Variants in CDH13 observed in about 807,000 individuals in gnomAD.
The protein encoded by CDH13 is cadherin-13.
In CDH13, 24 loss-of-function variants were observed where a neutral mutation model predicts 63.8. The observed-to-expected ratio is 0.38, with a 90% CI of 0.27 to 0.53. The LOEUF is 0.53. CDH13 is among the 20% of genes least tolerant of loss of function. The pLI is 0.85. For synonymous variants in CDH13, 503 were observed against 355.3 expected (o/e 1.42, Z -4.67); for missense variants, 1,049 against 903.1 (o/e 1.16, Z -2.07).
chr16:82,901,061 A>G (rs1042586913), intron 2 of CDH13, among the ~76,000 whole-genome samples: 1 of 137,896 alleles, frequency 7.3e-6, no homozygotes, highest in Non-Finnish European at 1.5e-5. Context: ...ACATGAGCCA[A>G]AATGTATATT....
intron 1 of CDH13, among the ~76,000 whole-genome samples, chr16:82,640,550 A>T (rs902018782): frequency 6.6e-6 from 1 of 152,144 alleles, no homozygotes; most frequent in Admixed American, 6.5e-5. Flanking sequence ...CAGGGTAATA[A>T]AATGTTATTT....
chr16:83,102,965 T>TTC (rs1555587871), intron 3 of CDH13, among the ~76,000 whole-genome samples: 11 of 107,838 alleles, frequency 1.0e-4, no homozygotes, highest in African/African-American at 1.4e-4. Context: ...TTTTTTTTTT[T>TTC]TTTTTGAGGT....
intron 9 of CDH13, among the ~76,000 whole-genome samples, chr16:83,675,058 A>T (rs1286173962): frequency 6.6e-6 from 1 of 152,076 alleles, no homozygotes; most frequent in Admixed American, 6.5e-5. Context: ...AGTGGTTTAC[A>T]CCCTCTCTTG....
intron 10 of CDH13, among the ~76,000 whole-genome samples, chr16:83,707,215 C>T (rs1907209061): frequency 6.6e-6 from 1 of 152,202 alleles, no homozygotes; most frequent in Non-Finnish European, 1.5e-5. Flanking sequence ...CCTGCCTCCA[C>T]CCATCACAAT....
At chr16:83,108,640 A>G (rs1445862869) in intron 3 of CDH13, among the ~76,000 whole-genome samples, 1 of 152,166 alleles carries the variant, frequency 6.6e-6, no homozygotes, top group Non-Finnish European at 1.5e-5. Flanking sequence ...TTCATCCAGG[A>G]CCAGCAGTCC....
intron 6 of CDH13, among the ~76,000 whole-genome samples, chr16:83,385,667 A>G (rs929040559): frequency 3.9e-5 from 6 of 152,124 alleles, no homozygotes; most frequent in Non-Finnish European, 8.8e-5. Context: ...CAAGAATGAA[A>G]CTCATCACAT....
At chr16:83,055,917 G>C (rs756456884) in intron 3 of CDH13, among the ~76,000 whole-genome samples, 2 of 152,098 alleles carry the variant, frequency 1.3e-5, no homozygotes, top group Admixed American at 6.6e-5. Flanking sequence ...TGAAAAGGCA[G>C]GCTATACAGT....
intron 1 of CDH13, among the ~76,000 whole-genome samples, chr16:82,791,776 A>C (rs935777376): frequency 1.3e-5 from 2 of 152,186 alleles, no homozygotes; most frequent in African/African-American, 4.8e-5. Flanking sequence ...AACTGGGCTG[A>C]ACACTAGTTG....
chr16:82,800,730 G>T (rs913737537), intron 1 of CDH13, among the ~76,000 whole-genome samples: 2 of 152,134 alleles, frequency 1.3e-5, no homozygotes, highest in Non-Finnish European at 2.9e-5. Flanking sequence ...AAAAGAGAAA[G>T]AACAGGATTT....
intron 1 of CDH13, among the ~76,000 whole-genome samples, chr16:82,801,558 A>G (rs2036855912): frequency 6.6e-6 from 1 of 152,232 alleles, no homozygotes; most frequent in Non-Finnish European, 1.5e-5. Context: ...TAGGGTCAAG[A>G]ACAGCAAGGT....
At chr16:83,327,381 T>C (rs1392526623) in intron 5 of CDH13, among the ~76,000 whole-genome samples, 1 of 152,256 alleles carries the variant, frequency 6.6e-6, no homozygotes, top group Non-Finnish European at 1.5e-5. Flanking sequence ...TTCATTCACC[T>C]TCAGGGAATT....
chr16:83,226,170 G>A lies in CDH13; in HGVS notation c.636+8673G>A, dbSNP rs1381007783. ...ACCTCCACCTGACTTTTTCCAGTTC[G>A]TCTCTTCGTATTTCCAAGCACTTCA... On this transcript the variant is annotated intron_variant, in intron 5 of 13. Transcript: ENST00000567109. Among the ~76,000 whole-genome samples, 5 of 152,186 alleles carry A rather than the reference G, an allele frequency of 3.3e-5. No individual in the cohort carries two copies. In the East Asian group the frequency reaches 5.8e-4, roughly 18 times the overall value.
chr16:83,781,213 A>T (rs949509322), intron 12 of CDH13, among the ~76,000 whole-genome samples: 1 of 152,236 alleles, frequency 6.6e-6, no homozygotes, highest in African/African-American at 2.4e-5. Context: ...ATTAAGACTG[A>T]AACACCAACA....
chr16:83,127,205 T>A (rs568792810), intron 4 of CDH13, among the ~76,000 whole-genome samples: 12 of 152,190 alleles, frequency 7.9e-5, no homozygotes, highest in African/African-American at 2.9e-4. Context: ...GTGGTAAAAG[T>A]GAAATCAGAG....
intron 1 of CDH13, among the ~76,000 whole-genome samples, chr16:82,634,456 C>T (rs1055426354): frequency 5.3e-5 from 8 of 152,164 alleles, no homozygotes; most frequent in East Asian, 1.9e-4. Context: ...TCAGACTGCC[C>T]GGAGTATCCC....
chr16:83,256,010 GTA>G (rs1307886741), intron 5 of CDH13, among the ~76,000 whole-genome samples: 7 of 152,246 alleles, frequency 4.6e-5, no homozygotes, highest in African/African-American at 1.7e-4. Context: ...GATTAAATAG[GTA>G]TATATAAATT....
chr16:83,229,872 C>G (rs1398144706), intron 5 of CDH13, among the ~76,000 whole-genome samples: 3 of 152,188 alleles, frequency 2.0e-5, no homozygotes, highest in African/African-American at 7.2e-5. Context: ...ACCAAACACT[C>G]TGAAGCTGGA....
chr16:83,565,795 C>T (rs1478751849), intron 7 of CDH13, among the ~76,000 whole-genome samples: 2 of 151,990 alleles, frequency 1.3e-5, no homozygotes, highest in Admixed American at 6.5e-5. Flanking sequence ...TTATTCTTTT[C>T]TGGCTTCTGA....
intron 5 of CDH13, among the ~76,000 whole-genome samples, chr16:83,259,982 ACGTGGCT>A (rs1567545920): frequency 6.6e-6 from 1 of 152,094 alleles, no homozygotes; most frequent in East Asian, 1.9e-4. Context: ...AATGCTTCTT[ACGTGGCT>A]CTCTCGGAAG....
Sources: allele counts gnomAD v4.1 joint callset (sites outside exome capture counted in the v4.1 genomes callset), GRCh38; gene constraint gnomAD v4.1.1; transcripts MANE v1.5; gene names NCBI Gene and HGNC (gene_info 2026-07-23, HGNC 2026-07-21).